ABI1: variants seen among roughly 807,000 people sequenced by gnomAD.
The protein encoded by ABI1 is abl interactor 1, also known as Abelson interactor 1.
Under a neutral mutation model 54.6 loss-of-function variants are expected in ABI1, and 14 were observed. The observed-to-expected ratio is 0.26, with a 90% CI of 0.17 to 0.40. ABI1 has a LOEUF of 0.40. Among genes scored for constraint, ABI1 ranks in the 10% least tolerant of loss-of-function variants. The pLI is 1.00. For missense variants in ABI1, 443 were observed against 598.3 expected, an observed-to-expected ratio of 0.74 and a Z score of 2.71; for synonymous variants, 194 against 209.3, an observed-to-expected ratio of 0.93 and a Z score of 0.63.
chr10:26,825,018 T>C (rs920818511), intron 1 of ABI1, among the ~76,000 whole-genome samples: 2 of 152,202 alleles, frequency 1.3e-5, no homozygotes, highest in African/African-American at 4.8e-5. Flanking sequence ...CAGAGAGTCC[T>C]AATATTTGTG....
intron 1 of ABI1, among the ~76,000 whole-genome samples, chr10:26,834,704 C>T (rs1476445200): frequency 5.3e-5 from 8 of 152,062 alleles, no homozygotes; most frequent in Admixed American, 1.3e-4. Flanking sequence ...CGGTGGCTCA[C>T]GCCTGTAATC....
At chr10:26,753,826 C>A (rs898978736) in intron 9 of ABI1, among the ~76,000 whole-genome samples, 6 of 152,134 alleles carry the variant, frequency 3.9e-5, no homozygotes, top group Admixed American at 1.3e-4. Flanking sequence ...CTGACTGACC[C>A]AAGTTCATAT....
In ABI1 at chr10:26,746,655, A is replaced by G. The variant is rs546969737; in HGVS notation, c.*1915T>C. The stretch of plus-strand genomic sequence containing the variant: ...TTTTTTCAGAAAACTTTTTAAATGT[A>G]ATTAATAAACCACCTGAATCTGTCA... On this transcript the variant is annotated 3_prime_UTR_variant, in exon 11 of 11. Coordinates refer to ENST00000376140, the MANE Select transcript of ABI1 (RefSeq NM_001012750.3). 1.6e-6 allele frequency: 1 copy of G among 615,226 alleles called. No individual in the cohort carries two copies. The highest frequency in any genetic ancestry group is 2.9e-6 in the Non-Finnish European group (1 of 350,012). The allele number at this position is 615,226 out of a possible 1,614,324, so 38.1% of individuals were successfully genotyped here.
chr10:26,820,343 G>A (rs567673734), intron 2 of ABI1, among the ~76,000 whole-genome samples: 7 of 151,950 alleles, frequency 4.6e-5, no homozygotes, highest in East Asian at 3.9e-4. Flanking sequence ...ATAAAGCTGC[G>A]GGGGAAAGCT....
chr10:26,803,827 G>A (rs914881259), intron 2 of ABI1, among the ~76,000 whole-genome samples: 2 of 151,932 alleles, frequency 1.3e-5, no homozygotes, highest in African/African-American at 4.8e-5. Flanking sequence ...AAGATACTAG[G>A]GATACAGTGA....
intron 2 of ABI1, among the ~76,000 whole-genome samples, chr10:26,778,353 T>C (rs565116092): frequency 1.3e-5 from 2 of 152,256 alleles, no homozygotes; most frequent in South Asian, 2.1e-4. Context: ...TTGAGTGACA[T>C]GATCACCTCT....
chr10:26,753,014 A>G (rs1837831130), intron 9 of ABI1, among the ~76,000 whole-genome samples: 1 of 152,172 alleles, frequency 6.6e-6, no homozygotes, highest in Non-Finnish European at 1.5e-5. Context: ...AATCAGCCAT[A>G]ATCTATCTGT....
chr10:26,808,803 G>A (rs531861127), intron 2 of ABI1, among the ~76,000 whole-genome samples: 3 of 151,268 alleles, frequency 2.0e-5, no homozygotes, highest in South Asian at 4.3e-4. Flanking sequence ...TTAATAAATT[G>A]TTTTTAAAAG....
chr10:26,843,503 T>TAC (rs2049745311), intron 1 of ABI1, among the ~76,000 whole-genome samples: 1 of 119,656 alleles, frequency 8.4e-6, no homozygotes, highest in Non-Finnish European at 1.7e-5. Context: ...TATATATATA[T>TAC]ATATATATAT....
intron 2 of ABI1, among the ~76,000 whole-genome samples, chr10:26,819,302 A>G (rs1178681092): frequency 1.3e-5 from 2 of 152,220 alleles, no homozygotes; most frequent in African/African-American, 4.8e-5. Flanking sequence ...CATATCAGAC[A>G]AAGCAGATTT....
chr10:26,782,736 AAGAC>A (rs1032537166), intron 2 of ABI1, among the ~76,000 whole-genome samples: 6 of 151,720 alleles, frequency 4.0e-5, no homozygotes, highest in South Asian at 2.1e-4. Flanking sequence ...AAAAAAAAAA[AAGAC>A]AGGCAAATGG....
chr10:26,783,805 A>G (rs936935190), intron 2 of ABI1, among the ~76,000 whole-genome samples: 2 of 152,200 alleles, frequency 1.3e-5, no homozygotes, highest in African/African-American at 4.8e-5. Context: ...ATGACCACTT[A>G]GTTAAGTACA....
chr10:26,836,261 C>T (rs1465181868), intron 1 of ABI1, among the ~76,000 whole-genome samples: 3 of 151,822 alleles, frequency 2.0e-5, no homozygotes, highest in Admixed American at 6.6e-5. Flanking sequence ...TACAGGCGTG[C>T]GCCACCACAC....
At chr10:26,833,721 C>G (rs182992208) in intron 1 of ABI1, among the ~76,000 whole-genome samples, 3 of 139,450 alleles carry the variant, frequency 2.2e-5, no homozygotes, top group Non-Finnish European at 4.5e-5. Flanking sequence ...AATACTCTCA[C>G]GTACTACTAA....
chr10:26,830,613 C>G (rs555111624), intron 1 of ABI1, among the ~76,000 whole-genome samples: 1 of 147,080 alleles, frequency 6.8e-6, no homozygotes, highest in South Asian at 2.2e-4. Flanking sequence ...AGAACAAGAC[C>G]CTGTCTCCTT....
At chr10:26,786,480 A>G (rs975000943) in intron 2 of ABI1, among the ~76,000 whole-genome samples, 2 of 152,044 alleles carry the variant, frequency 1.3e-5, no homozygotes, top group African/African-American at 4.8e-5. Flanking sequence ...TCGGCCTCCT[A>G]AAGTGCTGGG....
rs764104766 is a variant in ABI1, at chr10:26,763,899, G to A, written c.820+1319C>T. 18 of 1,613,036 alleles carry A rather than the reference G, an allele frequency of 1.1e-5. No individual in the cohort carries two copies. In the Admixed American group the frequency reaches 3.0e-4, roughly 27 times the overall value. On this transcript the variant is annotated intron_variant, in intron 7 of 10. Transcript: ENST00000376140. ...TCTCACCTATCACAGTGCTCACTGG[G>A]AGAAGTGGTGCCAGAGGTGGTGCTG... is the stretch of plus-strand genomic sequence containing the variant.
intron 2 of ABI1, among the ~76,000 whole-genome samples, chr10:26,803,360 T>C (rs543389039): frequency 4.9e-4 from 74 of 152,294 alleles, no homozygotes; most frequent in African/African-American, 1.7e-3. Flanking sequence ...GAAATGGGTG[T>C]GGGTTTTTAA....
intron 5 of ABI1, 27 bp from the exon 6 acceptor site, chr10:26,769,019 T>A (rs1840326493): frequency 6.5e-7 from 1 of 1,531,626 alleles, no homozygotes. Context: ...GAGAAAGGAA[T>A]AATGAATAAA....
Sources: gnomAD v4.1 joint callset for allele counts (sites outside exome capture counted in the v4.1 genomes callset) on GRCh38, gnomAD v4.1.1 for gene constraint, MANE v1.5 for transcripts, NCBI Gene and HGNC (gene_info 2026-07-23, HGNC 2026-07-21) for gene names.